SLC24A1: variants seen among roughly 807,000 people sequenced by gnomAD.
The protein encoded by SLC24A1 is solute carrier family 24 member 1.
Under a neutral mutation model 88.1 loss-of-function variants are expected in SLC24A1, and 52 were observed. The observed-to-expected ratio is 0.59, with a 90% CI of 0.47 to 0.74. SLC24A1 has a LOEUF of 0.74. Ranked by LOEUF, SLC24A1 falls within the 30% of genes least tolerant of loss-of-function variation. The pLI is 0.00. For missense variants in SLC24A1, 1,173 were observed against 1,363.3 expected, an observed-to-expected ratio of 0.86 and a Z score of 2.20; for synonymous variants, 455 against 498.0, an observed-to-expected ratio of 0.91 and a Z score of 1.15.
downstream of SLC24A1, chr15:65,660,366 T>G: frequency 6.9e-7 from 1 of 1,454,932 alleles, no homozygotes; most frequent in East Asian, 2.5e-5. Context: ...GAACTGATTC[T>G]AAGTCTCAGG....
chr15:65,650,548 C>T lies in SLC24A1; in HGVS notation c.2399C>T (p.Ala800Val). 2 of 1,551,606 alleles carry T rather than the reference C, an allele frequency of 1.3e-6. No homozygotes were observed. Among genetic ancestry groups the T allele is most frequent in the Non-Finnish European group, 1.7e-6 (2 of 1,146,986 alleles). Residue 800 changes from alanine to valine, a missense_variant, in exon 7 of 10, where the codon GCA becomes GTA. Coordinates refer to ENST00000261892, the MANE Select transcript of SLC24A1 (RefSeq NM_004727.3). This position sits in a 1 kb window ranked among gnomAD's most constrained non-coding sequence, Gnocchi z 4.1. ...GAAGAATGTGAAGATGAAAATGAAG[C>T]AGAAGGAAAAGGAGACAATGAAGGT... ...KGEECEDENE[A>V]EGKGDNEGED...
chr15:65,640,306 A>G (rs2075081880), intron 4 of SLC24A1, among the ~76,000 whole-genome samples: 1 of 152,220 alleles, frequency 6.6e-6, no homozygotes, highest in African/African-American at 2.4e-5. Flanking sequence ...TGACGAGGGT[A>G]AGAGCAGGGT....
At position 65,624,848 on chromosome 15, in the gene SLC24A1, C is replaced by T; in HGVS notation, c.768C>T (p.Thr256=). The change falls in exon 2 of 10, where the codon ACC becomes ACT. Residue 256 remains threonine, a synonymous_variant. Transcript: ENST00000261892. ...PTTLKGMFDS[T]PTFLTHEVEA... ...CTCTCAAGGGAATGTTTGATAGCAC[C>T]CCAACTTTTCTGACACATGAGGTAG... is the stretch of plus-strand genomic sequence containing the variant. 6.2e-7 allele frequency: 1 copy of T among 1,613,998 alleles called. No homozygotes were observed. Among genetic ancestry groups the T allele is most frequent in the East Asian group, 2.2e-5 (1 of 44,884 alleles).
At chr15:65,629,198 C>T (rs929848794) in intron 2 of SLC24A1, among the ~76,000 whole-genome samples, 2 of 152,218 alleles carry the variant, frequency 1.3e-5, no homozygotes, top group Non-Finnish European at 2.9e-5. Context: ...TATTCACCCA[C>T]CTGATAGCTG....
chr15:65,644,565 G>A, intron 5 of SLC24A1, 52 bp downstream of exon 5: 2 of 1,315,832 alleles, frequency 1.5e-6, no homozygotes, highest in East Asian at 2.5e-5. Context: ...TCTCCCTGCT[G>A]TCAGTAGTGA....
chr15:65,639,463 G>C, intron 3 of SLC24A1, 132 bp from the exon 4 acceptor site: 1 of 625,508 alleles, frequency 1.6e-6, no homozygotes, highest in East Asian at 2.8e-5. Flanking sequence ...TGGAGGAAGA[G>C]GGGAGGTCAG....
intron 9 of SLC24A1, chr15:65,653,076 G>A (rs1275525877): frequency 2.7e-5 from 8 of 300,676 alleles, no homozygotes; most frequent in South Asian, 9.4e-5. Flanking sequence ...ACCAAATACC[G>A]TCAAATGCTC....
intron 6 of SLC24A1, among the ~76,000 whole-genome samples, chr15:65,648,192 G>A (rs2075372254): frequency 1.3e-5 from 2 of 152,094 alleles, no homozygotes. Context: ...CCCGGGAGGC[G>A]GAGCTTGCAG....
Position 65,625,086 on chromosome 15 carries a change from A to C in SLC24A1, c.1006A>C (p.Thr336Pro). ...STMTGSSPAE[T>P]KAFTAAWSLR... is the part of the protein sequence containing the mutation. ...CATGACAGGCAGCAGCCCAGCAGAA[A>C]CCAAAGCCTTCACTGCTGCCTGGAG... Residue 336 changes from threonine (T) to proline (P), a missense_variant, in exon 2 of 10, where the codon ACC (threonine) becomes CCC (proline). Thr to Pro is a conservative substitution (Grantham distance 38, BLOSUM62 -1). Coordinates refer to ENST00000261892, the MANE Select transcript of SLC24A1 (RefSeq NM_004727.3). The C allele has an allele frequency of 6.2e-7, 1 of 1,613,646 alleles. No homozygotes were observed. Among genetic ancestry groups the C allele is most frequent in the East Asian group, 2.2e-5 (1 of 44,872 alleles).
chr15:65,647,816 C>T (rs1228481854), intron 6 of SLC24A1, among the ~76,000 whole-genome samples: 2 of 152,154 alleles, frequency 1.3e-5, no homozygotes, highest in African/African-American at 4.8e-5. Context: ...AAACTGCAGG[C>T]CTCATCAGTA....
Position 65,645,523 on chromosome 15 carries a change from G to C in SLC24A1, c.2141-89G>C, listed in dbSNP as rs775190121. 5 of 949,776 alleles carry C rather than the reference G, an allele frequency of 5.3e-6. No individual in the cohort carries two copies. In the African/African-American group the frequency reaches 8.1e-5, roughly 15 times the overall value. 58.8% of individuals were successfully genotyped at this position (949,776 alleles called of 1,614,324 possible). A position where few individuals can be genotyped will look rare whatever the true frequency, so the allele number is the denominator to read the frequency against. On this transcript the variant is annotated intron_variant, in intron 5 of 9. Transcript: ENST00000261892. ...CCTTCAGAAACCCTGAAGTCCAATA[G>C]CCCTGTAGCCACTTATGCCAGTGTC...
At position 65,655,299 on chromosome 15, in the gene SLC24A1, T is replaced by G. The variant is rs1288189881; in HGVS notation, c.*1220T>G. On this transcript the variant is annotated 3_prime_UTR_variant, in exon 10 of 10. Transcript: ENST00000261892. ...ACAATGCTATTTTTGTATGCCAACC[T>G]AGATAGGATTATAAAGCAAGACTGA... 1.0e-6 allele frequency: 1 copy of G among 985,402 alleles called. No individual in the cohort carries two copies. The highest frequency in any genetic ancestry group is 1.7e-5 in the African/African-American group (1 of 57,232). The allele number at this position is 985,402 out of a possible 1,614,324, so 61.0% of individuals were successfully genotyped here. A position where few individuals can be genotyped will look rare whatever the true frequency, so the allele number is the denominator to read the frequency against.
Position 65,651,798 on chromosome 15 carries a change from T to TC in SLC24A1, c.2883+42dup, listed in dbSNP as rs547009030. ...AGGAACGAAATCCTCTACCAGCAGG[T>TC]CCCAACGACACTTTCCTTCAGGATC... On this transcript the variant is annotated intron_variant, in intron 8 of 9. Coordinates refer to ENST00000261892, the MANE Select transcript of SLC24A1 (RefSeq NM_004727.3). The TC allele has an allele frequency of 1.8e-4, 183 of 1,030,582 alleles. 1 individual carries two copies. In the South Asian group the frequency reaches 2.2e-3, roughly 12 times the overall value. The allele number at this position is 1,030,582 out of a possible 1,614,324, so 63.8% of individuals were successfully genotyped here.
chr15:65,657,641 C>CA (rs563689190), downstream of SLC24A1, among the ~76,000 whole-genome samples: 47 of 150,752 alleles, frequency 3.1e-4, no homozygotes, highest in South Asian at 1.9e-3. Context: ...GACTCCGTCT[C>CA]AAAAAAAAAG....
chr15:65,649,291 G>T (rs776259749), intron 6 of SLC24A1, among the ~76,000 whole-genome samples: 10 of 151,912 alleles, frequency 6.6e-5, no homozygotes, highest in Non-Finnish European at 1.3e-4. Context: ...GTAGAGACAG[G>T]GTTTCACCAT....
intron 2 of SLC24A1, among the ~76,000 whole-genome samples, chr15:65,637,184 A>C (rs1259576909): frequency 6.6e-6 from 1 of 152,184 alleles, no homozygotes; most frequent in Non-Finnish European, 1.5e-5. Flanking sequence ...CAGTAAATAC[A>C]CAGGCTTAAT....
At chr15:65,659,311 G>A (rs140297529), downstream of SLC24A1, 91 of 103,234 alleles carry the variant, frequency 8.8e-4, no homozygotes, top group African/African-American at 3.1e-3. Context: ...TTAAATGATT[G>A]ATATTTTCTG....
At chr15:65,630,794 A>C (rs1294372238) in intron 2 of SLC24A1, among the ~76,000 whole-genome samples, 1 of 152,084 alleles carries the variant, frequency 6.6e-6, no homozygotes, top group African/African-American at 2.4e-5. Context: ...AACATGGTGA[A>C]TCCTCATCTC....
At chr15:65,611,525 C>A (rs564911692) in exon 1 of SLC24A1, 2 of 338,088 alleles carry the variant, frequency 5.9e-6, no homozygotes, top group South Asian at 7.5e-5. Flanking sequence ...CCTCACTCCC[C>A]TGGGCCCCGT....
Sources: gnomAD v4.1 joint callset for allele counts (sites outside exome capture counted in the v4.1 genomes callset) on GRCh38, gnomAD v4.1.1 for gene constraint, Gnocchi (gnomAD v3.1) non-coding constraint, MANE v1.5 for transcripts, NCBI Gene and HGNC (gene_info 2026-07-23, HGNC 2026-07-21) for gene names.